Variants in TMEM232 observed in about 807,000 individuals in gnomAD.
The protein encoded by TMEM232 is transmembrane protein 232.
Under a neutral mutation model 78.8 loss-of-function variants are expected in TMEM232, and 80 were observed. The ratio of observed to expected loss-of-function variants is 1.01; its 90% confidence interval spans 0.85 to 1.22. The LOEUF is 1.22. TMEM232 is among the 50% of genes most tolerant of loss of function. The probability of loss-of-function intolerance (pLI) is 0.00; values close to 1 mark genes in which losing one functional copy is unlikely to be tolerated. For synonymous variants in TMEM232, 297 were observed against 254.3 expected, an observed-to-expected ratio of 1.17 and a Z score of -1.60; for missense variants, 881 against 742.2, an observed-to-expected ratio of 1.19 and a Z score of -2.17.
chr5:110,595,162 G>A (rs1324101228), intron 10 of TMEM232, among the ~76,000 whole-genome samples: 1 of 152,184 alleles, frequency 6.6e-6, no homozygotes, highest in African/African-American at 2.4e-5. Context: ...GCAAACTCCA[G>A]CAGACGTGCA....
chr5:110,530,043 G>C (rs1301074966), intron 11 of TMEM232, among the ~76,000 whole-genome samples: 2 of 152,108 alleles, frequency 1.3e-5, no homozygotes, highest in South Asian at 2.1e-4. Context: ...CTTGCGATAG[G>C]AAAGACAGAA....
chr5:110,641,554 T>G (rs1324556825), intron 3 of TMEM232, among the ~76,000 whole-genome samples: 1 of 152,150 alleles, frequency 6.6e-6, no homozygotes, highest in African/African-American at 2.4e-5. Flanking sequence ...TACACACTTA[T>G]CAAAAGTATA....
At chr5:110,560,225 A>G (rs918099065) in intron 11 of TMEM232, among the ~76,000 whole-genome samples, 6 of 152,166 alleles carry the variant, frequency 3.9e-5, no homozygotes, top group African/African-American at 1.4e-4. Context: ...GACCTTCCAT[A>G]TGATCCAGTC....
chr5:110,418,462 C>T (rs1412231378), downstream of TMEM232, among the ~76,000 whole-genome samples: 1 of 151,936 alleles, frequency 6.6e-6, no homozygotes, highest in Admixed American at 6.6e-5. Context: ...ATGCATGTTG[C>T]CAAATATTAA....
intron 2 of TMEM232, among the ~76,000 whole-genome samples, chr5:110,734,112 T>C (rs1798941717): frequency 6.6e-6 from 1 of 152,244 alleles, no homozygotes; most frequent in South Asian, 2.1e-4. Flanking sequence ...ATAAGCATCA[T>C]GTTAGTCACC....
chr5:110,398,066 A>T (rs1448539548), intron 2 of TMEM232, among the ~76,000 whole-genome samples: 1 of 152,140 alleles, frequency 6.6e-6, no homozygotes, highest in Non-Finnish European at 1.5e-5. Context: ...GCATCTTATT[A>T]ACTCAGTTTT....
intron 12 of TMEM232, among the ~76,000 whole-genome samples, chr5:110,443,491 C>G (rs1479701644): frequency 6.6e-6 from 1 of 152,108 alleles, no homozygotes; most frequent in Non-Finnish European, 1.5e-5. Context: ...GTATTGGGCT[C>G]CCCTCTGGCC....
At chr5:110,721,201 T>C (rs1797561022) in intron 1 of TMEM232, among the ~76,000 whole-genome samples, 2 of 152,046 alleles carry the variant, frequency 1.3e-5, no homozygotes, top group Admixed American at 1.3e-4. Flanking sequence ...AACAGTTTCA[T>C]GGGGCAGTCT....
chr5:110,411,615 C>T (rs750819581), intron 2 of TMEM232, among the ~76,000 whole-genome samples: 7 of 152,180 alleles, frequency 4.6e-5, no homozygotes, highest in East Asian at 1.9e-4. Flanking sequence ...ACCTCCCCAT[C>T]TCCTGAAACC....
intron 1 of TMEM232, among the ~76,000 whole-genome samples, chr5:110,686,464 C>T (rs981293347): frequency 6.6e-6 from 1 of 151,902 alleles, no homozygotes; most frequent in African/African-American, 2.4e-5. Context: ...CTTCAGATGA[C>T]TAGAGACTCA....
downstream of TMEM232, among the ~76,000 whole-genome samples, chr5:110,415,917 T>C (rs1756189360): frequency 6.6e-6 from 1 of 152,108 alleles, no homozygotes; most frequent in Non-Finnish European, 1.5e-5. Context: ...TACTGGAAGG[T>C]TGGATATCAC....
At chr5:110,644,956 A>T (rs890648986) in intron 2 of TMEM232, among the ~76,000 whole-genome samples, 3 of 151,590 alleles carry the variant, frequency 2.0e-5, no homozygotes, top group Non-Finnish European at 3.0e-5. Flanking sequence ...ATGACCAATT[A>T]TATACCAACA....
At position 110,713,704 on chromosome 5, in the gene TMEM232, G is replaced by C. The variant is rs988615398; in HGVS notation, c.-13+12923C>G. The stretch of plus-strand genomic sequence containing the variant: ...CTAAAGCTTGTTAACAAAAGACCAC[G>C]AGATCTATGGAGAAAAAAGACAGCT... On this transcript the variant is annotated intron_variant, in intron 1 of 13. Coordinates refer to ENST00000455884, the MANE Select transcript of TMEM232 (RefSeq NM_001039763.4). Among the ~76,000 whole-genome samples the C allele has an allele frequency of 2.6e-5, 4 of 152,166 alleles. No individual in the cohort carries two copies. The South Asian group carries it at 6.2e-4, about 24-fold the overall frequency.
intron 1 of TMEM232, among the ~76,000 whole-genome samples, chr5:110,668,356 G>T (rs953472977): frequency 6.6e-6 from 1 of 152,114 alleles, no homozygotes; most frequent in African/African-American, 2.4e-5. Flanking sequence ...ATCTGAGGTT[G>T]CCCTCTAAGA....
At chr5:110,518,988 G>A (rs1203451884) in intron 12 of TMEM232, among the ~76,000 whole-genome samples, 1 of 150,722 alleles carries the variant, frequency 6.6e-6, no homozygotes, top group Non-Finnish European at 1.5e-5. Context: ...ACTAGCTAAG[G>A]TGAATAAAAA....
chr5:110,720,972 A>G (rs547899030), intron 1 of TMEM232: 1 of 152,282 alleles, frequency 6.6e-6, no homozygotes, highest in South Asian at 2.1e-4. Flanking sequence ...AGATGAACAT[A>G]CAAAATCTAT....
chr5:110,651,473 A>G (rs1202967240), intron 2 of TMEM232, among the ~76,000 whole-genome samples: 1 of 148,064 alleles, frequency 6.8e-6, no homozygotes, highest in African/African-American at 2.5e-5. Flanking sequence ...GGAAAGAGGG[A>G]AGGAGGGAGG....
chr5:110,542,980 G>C (rs56707489), intron 11 of TMEM232, among the ~76,000 whole-genome samples: 14,200 of 152,084 alleles, frequency 0.093, 793 homozygotes, highest in South Asian at 0.2. Context: ...CAGGGCTCTT[G>C]AGCCACTTGC....
chr5:110,450,873 T>TA, intron 12 of TMEM232, among the ~76,000 whole-genome samples: 1 of 152,260 alleles, frequency 6.6e-6, no homozygotes, highest in South Asian at 2.1e-4. Flanking sequence ...TGAGTTAAGT[T>TA]AGTTAGGCAT....
Sources: allele counts gnomAD v4.1 joint callset (sites outside exome capture counted in the v4.1 genomes callset), GRCh38; gene constraint gnomAD v4.1.1; transcripts MANE v1.5; gene names NCBI Gene and HGNC (gene_info 2026-07-23, HGNC 2026-07-21).